The following SLC4A4 variants were observed in gnomAD, a reference collection of about 807,000 sequenced individuals.
SLC4A4 encodes the protein electrogenic sodium bicarbonate cotransporter 1.
SLC4A4 carries 27 observed loss-of-function variants against 111.5 expected under a neutral mutation model. That is an observed-to-expected ratio of 0.24 (90% CI 0.18 to 0.33). The LOEUF (loss-of-function observed/expected upper bound fraction) is 0.33, where lower values mean the gene tolerates loss of function less well. SLC4A4 is among the 10% of genes least tolerant of loss of function. SLC4A4 has a pLI of 1.00. For synonymous variants in SLC4A4, 443 were observed against 463.4 expected (o/e 0.96, Z 0.57); for missense variants, 909 against 1,315.5 (o/e 0.69, Z 4.78).
chr4:71,507,613 A>G (rs1435685237), intron 16 of SLC4A4, among the ~76,000 whole-genome samples: 1 of 152,216 alleles, frequency 6.6e-6, no homozygotes, highest in Admixed American at 6.5e-5. Flanking sequence ...GAGACCGTCA[A>G]AGTGACTTAG....
intron 4 of SLC4A4, among the ~76,000 whole-genome samples, chr4:71,339,880 T>C (rs1446155208): frequency 6.6e-6 from 1 of 152,024 alleles, no homozygotes; most frequent in Non-Finnish European, 1.5e-5. Flanking sequence ...CATGCCAAGA[T>C]CTCTTGTGAG....
intron 1 of SLC4A4, among the ~76,000 whole-genome samples, chr4:71,070,312 TG>T (rs1741631752): frequency 6.6e-6 from 1 of 152,176 alleles, no homozygotes; most frequent in South Asian, 2.1e-4. Flanking sequence ...TTGATCACTT[TG>T]GGGGGCTCTG....
At chr4:71,318,045 A>G (rs1330419576) in intron 3 of SLC4A4, among the ~76,000 whole-genome samples, 1 of 151,824 alleles carries the variant, frequency 6.6e-6, no homozygotes, top group Admixed American at 6.6e-5. Flanking sequence ...AATAAACCTC[A>G]TAACTGTCTT....
intron 1 of SLC4A4, among the ~76,000 whole-genome samples, chr4:71,065,263 C>T (rs1170521766): frequency 6.6e-6 from 1 of 152,100 alleles, no homozygotes; most frequent in Non-Finnish European, 1.5e-5. Flanking sequence ...TGTTTTACAT[C>T]ATCCATTTTA....
chr4:71,201,945 C>A, intron 1 of SLC4A4, among the ~76,000 whole-genome samples: 1 of 152,116 alleles, frequency 6.6e-6, no homozygotes, highest in East Asian at 1.9e-4. Flanking sequence ...TAGTTGTTGG[C>A]CTCCCTCAAA....
At chr4:71,487,201 CTTTT>C (rs908709339) in intron 15 of SLC4A4, among the ~76,000 whole-genome samples, 183 bp downstream of exon 15, 1 of 149,906 alleles carries the variant, frequency 6.7e-6, no homozygotes, top group Non-Finnish European at 1.5e-5. Context: ...CTAGTCAGCA[CTTTT>C]TTTTTATTTG....
intron 2 of SLC4A4, among the ~76,000 whole-genome samples, chr4:71,178,641 C>G (rs1284452752): frequency 6.6e-6 from 1 of 152,118 alleles, no homozygotes; most frequent in Non-Finnish European, 1.5e-5. Flanking sequence ...TACACCCTCC[C>G]AAGACTAAAC....
In SLC4A4 at chr4:71,561,654, AG is replaced by A. The variant is rs1365431884; in HGVS notation, c.3099+1402del. Among the ~76,000 whole-genome samples the A allele has an allele frequency of 2.6e-5, 4 of 151,834 alleles. No individual in the cohort carries two copies. The East Asian group carries it at 5.8e-4, about 22-fold the overall frequency. ...GTCATCATCCATCTGCAATGAGAAC[AG>A]GTATATAGATTTTGTTTCCAATGAT... On this transcript the variant is annotated intron_variant, in intron 23 of 25. Coordinates refer to ENST00000264485, the MANE Select transcript of SLC4A4 (RefSeq NM_001098484.3).
rs552492720 is a variant in SLC4A4 at position 71,560,217 on chromosome 4, A to G, written c.3062A>G (p.Lys1021Arg). The G allele has an allele frequency of 6.2e-7, 1 of 1,610,866 alleles. No homozygotes were observed. Among genetic ancestry groups the G allele is most frequent in the Non-Finnish European group, 8.5e-7 (1 of 1,178,086 alleles). ...AAGAAGGAGGATGAGAAGAAAAAGAAAAAGAAGAAGGGAAGTCTGGACAGT... is the reference window on the plus strand; with the variant it reads ...AAGAAGGAGGATGAGAAGAAAAAGAGAAAGAAGAAGGGAAGTCTGGACAGT... ...KKKKEDEKKK[K>R]KKKGSLDSDN... The change falls in exon 23 of 26, where the codon AAA (lysine) becomes AGA (arginine). Residue 1021 changes from lysine to arginine, a missense_variant. Lys to Arg is a conservative substitution (Grantham distance 26). This residue lies in a region of SLC4A4 where 85 missense variants were observed against 79.8 expected (regional missense o/e 1.07). Coordinates refer to ENST00000264485, the MANE Select transcript of SLC4A4 (RefSeq NM_001098484.3).
intron 4 of SLC4A4, among the ~76,000 whole-genome samples, chr4:71,343,719 T>C (rs1372537600): frequency 1.3e-5 from 2 of 152,256 alleles, no homozygotes; most frequent in Admixed American, 6.5e-5. Context: ...CTGAGATTGC[T>C]GCAGATGGCT....
rs145870546 is a variant in SLC4A4 at position 71,276,527 on chromosome 4, A to G, written c.253+21128A>G. 9.3e-4 allele frequency among the ~76,000 whole-genome samples: 141 copies of G among 150,890 alleles called. 1 individual carries two copies. Among genetic ancestry groups the G allele is most frequent in the Non-Finnish European group, 6.5e-4 (44 of 67,884 alleles). Reference sequence around the variant, plus strand: ...TCTTTGTAATTTTGTCATTTCATGAATGCTATATAAATGAAATCATATGGT... The same window carrying G: ...TCTTTGTAATTTTGTCATTTCATGAGTGCTATATAAATGAAATCATATGGT... On this transcript the variant is annotated intron_variant, in intron 3 of 25. Coordinates refer to ENST00000264485, the MANE Select transcript of SLC4A4 (RefSeq NM_001098484.3).
intron 2 of SLC4A4, among the ~76,000 whole-genome samples, chr4:71,176,236 G>C (rs1745091277): frequency 6.6e-6 from 1 of 152,144 alleles, no homozygotes; most frequent in Non-Finnish European, 1.5e-5. Flanking sequence ...GGAAAAAACA[G>C]AACAGAAACA....
chr4:71,248,470 T>C (rs1720838510), intron 2 of SLC4A4, among the ~76,000 whole-genome samples: 1 of 151,216 alleles, frequency 6.6e-6, no homozygotes, highest in African/African-American at 2.4e-5. Flanking sequence ...ATAGATACAT[T>C]TTGTATCTAT....
At chr4:71,296,931 T>G (rs1724841538) in intron 3 of SLC4A4, among the ~76,000 whole-genome samples, 4 of 152,208 alleles carry the variant, frequency 2.6e-5, no homozygotes, top group Admixed American at 2.0e-4. Context: ...TTTTAAAGTA[T>G]TACTGGAAAA....
intron 7 of SLC4A4, among the ~76,000 whole-genome samples, chr4:71,412,337 A>G (rs1371544216): frequency 6.6e-6 from 1 of 152,222 alleles, no homozygotes; most frequent in Non-Finnish European, 1.5e-5. Context: ...TAACCTAAGA[A>G]GAAAAATAGA....
At chr4:71,159,872 A>G (rs1744573175) in intron 2 of SLC4A4, among the ~76,000 whole-genome samples, 1 of 146,038 alleles carries the variant, frequency 6.8e-6, no homozygotes, top group African/African-American at 2.7e-5. Flanking sequence ...AGCATTCTAA[A>G]GTTCTATTCT....
chr4:71,139,056 A>G (rs1396542252), intron 2 of SLC4A4, among the ~76,000 whole-genome samples: 1 of 151,608 alleles, frequency 6.6e-6, no homozygotes, highest in East Asian at 1.9e-4. Context: ...AAAAAAAAAA[A>G]AAAGAATCAG....
chr4:71,090,646 G>A (rs888490648), intron 1 of SLC4A4, among the ~76,000 whole-genome samples: 4 of 152,300 alleles, frequency 2.6e-5, no homozygotes, highest in African/African-American at 9.6e-5. Flanking sequence ...ACTGCTCTTT[G>A]TAGGCATGCA....
intron 23 of SLC4A4, among the ~76,000 whole-genome samples, chr4:71,561,386 G>T (rs1441805790): frequency 6.6e-6 from 1 of 151,754 alleles, no homozygotes; most frequent in Admixed American, 6.6e-5. Flanking sequence ...ACATATATAA[G>T]TCATTTTTCT....
Sources: allele counts gnomAD v4.1 joint callset (sites outside exome capture counted in the v4.1 genomes callset), GRCh38; gene constraint gnomAD v4.1.1; regional missense constraint gnomAD v4.1.1; transcripts MANE v1.5; gene names NCBI Gene and HGNC (gene_info 2026-07-23, HGNC 2026-07-21).